Variants in RAD54B observed in about 807,000 individuals in gnomAD.
RAD54B encodes the protein DNA repair and recombination protein RAD54B.
RAD54B carries 78 observed loss-of-function variants against 95.8 expected under a neutral mutation model. The ratio of observed to expected loss-of-function variants is 0.81; its 90% confidence interval spans 0.68 to 0.98. The LOEUF (loss-of-function observed/expected upper bound fraction) is 0.98. Ranked by LOEUF, RAD54B falls within the 50% of genes least tolerant of loss-of-function variation. The pLI is 0.00. For missense variants in RAD54B, 957 were observed against 1,056.6 expected (o/e 0.91, Z 1.31); for synonymous variants, 328 against 354.9 (o/e 0.92, Z 0.85).
intron 3 of RAD54B, chr8:94,432,790 C>T (rs1296870442): frequency 1.7e-6 from 2 of 1,169,014 alleles, no homozygotes; most frequent in East Asian, 2.8e-5. Flanking sequence ...AAAAAAAAAT[C>T]TTAAACACTT....
At chr8:94,471,811 C>T (rs944871356) in intron 1 of RAD54B, among the ~76,000 whole-genome samples, 3 of 151,702 alleles carry the variant, frequency 2.0e-5, no homozygotes, top group Non-Finnish European at 2.9e-5. Flanking sequence ...TACCATATTT[C>T]ATCAAATCTA....
intron 3 of RAD54B, among the ~76,000 whole-genome samples, chr8:94,415,691 T>A (rs1398030294): frequency 1.4e-5 from 2 of 145,976 alleles, no homozygotes; most frequent in African/African-American, 2.5e-5. Context: ...AACAACCCCA[T>A]CAAAAAGTGG....
intron 10 of RAD54B, among the ~76,000 whole-genome samples, chr8:94,389,804 C>T (rs1810972296): frequency 6.6e-6 from 1 of 152,176 alleles, no homozygotes; most frequent in Non-Finnish European, 1.5e-5. Context: ...AAATATCAGA[C>T]TATAAATTAT....
At position 94,441,977 on chromosome 8, in the gene RAD54B, A is replaced by G. The variant is rs556511268; in HGVS notation, c.304+16291T>C. ...ATGTTTACGAAACAGTCAATAAACA[A>G]AGGCAAAAAAATCAACCTAAGTGTC... On this transcript the variant is annotated intron_variant, in intron 3 of 14. Coordinates refer to ENST00000336148, the MANE Select transcript of RAD54B (RefSeq NM_012415.3). Among the ~76,000 whole-genome samples, 18 of 152,372 alleles carry G rather than the reference A, an allele frequency of 1.2e-4. 1 individual carries two copies. In the South Asian group the frequency reaches 2.3e-3, roughly 19 times the overall value.
At chr8:94,436,599 T>C (rs779684040) in intron 3 of RAD54B, 3 of 1,550,530 alleles carry the variant, frequency 1.9e-6, no homozygotes, top group South Asian at 2.4e-5. Flanking sequence ...TAAAATCTGA[T>C]TGGGTCTCTT....
intron 3 of RAD54B, among the ~76,000 whole-genome samples, chr8:94,456,137 C>A (rs1407074466): frequency 6.6e-6 from 1 of 152,166 alleles, no homozygotes; most frequent in Non-Finnish European, 1.5e-5. Flanking sequence ...CATTCTACCA[C>A]AACCCCCAAA....
intron 3 of RAD54B, chr8:94,430,709 T>TA: frequency 1.1e-5 from 10 of 929,114 alleles, no homozygotes; most frequent in Non-Finnish European, 1.3e-5. Flanking sequence ...TATAATGTTT[T>TA]AAAAGCATTT....
rs770113131 is a variant in RAD54B, at chr8:94,372,466, A to C, written c.2516-79T>G. The C allele has an allele frequency of 2.2e-5, 34 of 1,544,000 alleles. 1 individual carries two copies. The highest frequency in any genetic ancestry group is 2.9e-5 in the Non-Finnish European group (33 of 1,157,662). ...ATACAATACTTTTTTGTTTTATGAT[A>C]ATTAGTTTATGTGATTTATTACATT... On this transcript the variant is annotated intron_variant, in intron 14 of 14. Coordinates refer to ENST00000336148, the MANE Select transcript of RAD54B (RefSeq NM_012415.3).
At chr8:94,442,576 G>GAA (rs531694623) in intron 3 of RAD54B, among the ~76,000 whole-genome samples, 7 of 45,604 alleles carry the variant, frequency 1.5e-4, no homozygotes, top group South Asian at 1.3e-3. Context: ...CTCTGTCTCA[G>GAA]AAAAAAAAAA....
chr8:94,401,833 G>A (rs1451829115), intron 6 of RAD54B, among the ~76,000 whole-genome samples: 3 of 152,198 alleles, frequency 2.0e-5, no homozygotes, highest in Admixed American at 6.6e-5. Flanking sequence ...TCAGCCCAAT[G>A]AGATACAGTG....
At chr8:94,420,098 C>G (rs1811767978) in intron 3 of RAD54B, among the ~76,000 whole-genome samples, 1 of 152,090 alleles carries the variant, frequency 6.6e-6, no homozygotes, top group South Asian at 2.1e-4. Flanking sequence ...GCTATACCAT[C>G]TAGGTTTGAG....
At chr8:94,393,499 TCAAAACTAG>T in intron 9 of RAD54B, 1 of 351,896 alleles carries the variant, frequency 2.8e-6, no homozygotes, top group African/African-American at 2.2e-5. Context: ...TCTACTTTTT[TCAAAACTAG>T]TAAAGATGAA....
chr8:94,372,446 A>G (rs1237787427), intron 14 of RAD54B, 59 bp from the exon 15 acceptor site: 27 of 1,576,342 alleles, frequency 1.7e-5, no homozygotes, highest in African/African-American at 2.8e-5. Context: ...GCTAAATACA[A>G]TACTTTTTTG....
At chr8:94,407,404 A>G in intron 5 of RAD54B, 35 bp downstream of exon 5, 8 of 1,554,740 alleles carry the variant, frequency 5.1e-6, no homozygotes, top group Non-Finnish European at 7.0e-6. Context: ...TTTGACAGTA[A>G]AAACAGAAAA....
At chr8:94,384,881 T>G (rs551006424) in intron 11 of RAD54B, among the ~76,000 whole-genome samples, 1 of 152,176 alleles carries the variant, frequency 6.6e-6, no homozygotes. Flanking sequence ...GGTACGCAGA[T>G]TGCTTGAACT....
At chr8:94,429,615 T>C in intron 3 of RAD54B, 1 of 983,364 alleles carries the variant, frequency 1.0e-6, no homozygotes, top group Non-Finnish European at 1.2e-6. Context: ...ATGTGTTTAC[T>C]AGAATTATAC....
At chr8:94,437,878 G>A (rs1461548689) in intron 3 of RAD54B, among the ~76,000 whole-genome samples, 1 of 152,080 alleles carries the variant, frequency 6.6e-6, no homozygotes, top group Admixed American at 6.6e-5. Context: ...GTTAACCCCA[G>A]TATGAAAATA....
chr8:94,474,979 A>G (rs1421996678), intron 1 of RAD54B, 22 bp downstream of exon 1: 2 of 152,356 alleles, frequency 1.3e-5, no homozygotes, highest in African/African-American at 4.8e-5. Flanking sequence ...CAGCCTCCCG[A>G]GCTTCCCCCT....
chr8:94,391,939 C>G, intron 9 of RAD54B, 40 bp from the exon 10 acceptor site: 1 of 1,465,790 alleles, frequency 6.8e-7, no homozygotes, highest in African/African-American at 1.4e-5. Context: ...GTGTTATAGA[C>G]AAAAATACAC....
Sources: gnomAD v4.1 joint callset for allele counts (sites outside exome capture counted in the v4.1 genomes callset) on GRCh38, gnomAD v4.1.1 for gene constraint, MANE v1.5 for transcripts, NCBI Gene and HGNC (gene_info 2026-07-23, HGNC 2026-07-21) for gene names.